The following POC1A variants were observed in gnomAD, a reference collection of about 807,000 sequenced individuals.
POC1A encodes POC1 centriolar protein homolog A.
Under a neutral mutation model 47.8 loss-of-function variants are expected in POC1A, and 34 were observed. That is an observed-to-expected ratio of 0.71 (90% confidence interval 0.54 to 0.95). The LOEUF is 0.95. Among genes scored for constraint, POC1A ranks in the 40% least tolerant of loss-of-function variants. POC1A has a pLI of 0.00. For missense variants in POC1A, 466 were observed against 528.3 expected (o/e 0.88, Z 1.16); for synonymous variants, 177 against 207.6 (o/e 0.85, Z 1.27).
chr3:52,144,164 C>T (rs1388628921), intron 6 of POC1A, among the ~76,000 whole-genome samples: 1 of 152,226 alleles, frequency 6.6e-6, no homozygotes, highest in East Asian at 1.9e-4. Flanking sequence ...ACTGTCCTGC[C>T]TCGTCGCCTT....
intron 7 of POC1A, among the ~76,000 whole-genome samples, chr3:52,128,537 G>A (rs760738814): frequency 6.6e-6 from 1 of 152,166 alleles, no homozygotes; most frequent in Admixed American, 6.5e-5. Flanking sequence ...CTGTTCTTCT[G>A]CCTAGCAGCC....
At chr3:52,143,731 A>C (rs1326134261) in intron 6 of POC1A, among the ~76,000 whole-genome samples, 4 of 152,098 alleles carry the variant, frequency 2.6e-5, no homozygotes, top group Non-Finnish European at 5.9e-5. Flanking sequence ...CCTACCCATC[A>C]CTGGGACACA....
chr3:52,148,708 A>G lies in POC1A; in HGVS notation c.455+502T>C, dbSNP rs141689558. 8.6e-3 allele frequency among the ~76,000 whole-genome samples: 1,309 copies of G among 152,342 alleles called. 20 individuals are homozygous for G. Among genetic ancestry groups the G allele is most frequent in the African/African-American group, 0.029 (1,220 of 41,584 alleles). Reference sequence around the variant, plus strand: ...ATCCCCTGAGAACATCCCAGAGGAAAGTAGGCAAGCCTTACTGTCAGAGAG... The same window carrying G: ...ATCCCCTGAGAACATCCCAGAGGAAGGTAGGCAAGCCTTACTGTCAGAGAG... On this transcript the variant is annotated intron_variant, in intron 4 of 10. Transcript: ENST00000296484.
intron 1 of POC1A, among the ~76,000 whole-genome samples, chr3:52,154,080 G>A (rs1698643167): frequency 6.6e-6 from 1 of 152,254 alleles, no homozygotes; most frequent in South Asian, 2.1e-4. Context: ...CACATGAGTC[G>A]GGACTTGGTC....
Position 52,084,533 on chromosome 3 carries a change from G to A in POC1A, c.1126-8548C>T, listed in dbSNP as rs1298173046. 2.6e-5 allele frequency among the ~76,000 whole-genome samples: 4 copies of A among 152,192 alleles called. No homozygotes were observed. Among genetic ancestry groups the A allele is most frequent in the South Asian group, 2.1e-4 (1 of 4,836 alleles). On this transcript the variant is annotated intron_variant, in intron 10 of 10. Transcript: ENST00000296484. The surrounding 1 kb of genome is among the most constrained non-coding windows in gnomAD (Gnocchi z 4.3). ...GCAGCACCGGTCCTGTCTAGGCTGC[G>A]AGGAAAGCTACTCCACCACCACTGA...
intron 9 of POC1A, among the ~76,000 whole-genome samples, chr3:52,111,791 G>A (rs1287051017): frequency 1.3e-5 from 2 of 152,134 alleles, no homozygotes; most frequent in Admixed American, 1.3e-4. Flanking sequence ...AGTCTAGCAG[G>A]CTGTCTGGAG....
intron 10 of POC1A, among the ~76,000 whole-genome samples, chr3:52,085,136 C>T (rs913973454): frequency 2.0e-5 from 3 of 152,146 alleles, no homozygotes; most frequent in South Asian, 2.1e-4. Flanking sequence ...GCCCCCCTGG[C>T]GGCCACACTG....
intron 10 of POC1A, among the ~76,000 whole-genome samples, chr3:52,094,100 GA>G (rs2106964285): frequency 1.3e-5 from 2 of 152,352 alleles, no homozygotes; most frequent in East Asian, 3.9e-4. Flanking sequence ...GGAGGGAAGG[GA>G]TGGTGGAGGC....
chr3:52,114,723 C>G (rs747616801), intron 9 of POC1A, among the ~76,000 whole-genome samples: 6 of 152,144 alleles, frequency 3.9e-5, no homozygotes, highest in Non-Finnish European at 7.4e-5. Context: ...TGAATTTCCC[C>G]CAGGAGCCAG....
chr3:52,082,287 G>A (rs1322799860), intron 10 of POC1A, among the ~76,000 whole-genome samples: 2 of 152,196 alleles, frequency 1.3e-5, no homozygotes, highest in Non-Finnish European at 2.9e-5. Context: ...CCAGGGTGAT[G>A]TCAGCGATGG....
intron 7 of POC1A, among the ~76,000 whole-genome samples, chr3:52,134,638 T>A (rs144432122): frequency 2.0e-5 from 3 of 152,064 alleles, no homozygotes; most frequent in Non-Finnish European, 4.4e-5. Flanking sequence ...TCTGAATGAA[T>A]GAATGAAAGA....
At chr3:52,098,795 A>G (rs1471480888) in intron 9 of POC1A, among the ~76,000 whole-genome samples, 1 of 152,244 alleles carries the variant, frequency 6.6e-6, no homozygotes, top group Non-Finnish European at 1.5e-5. Context: ...TTTACTTGCC[A>G]TCCACTGTGT....
At chr3:52,135,389 G>A (rs1019311915) in intron 7 of POC1A, among the ~76,000 whole-genome samples, 1 of 152,126 alleles carries the variant, frequency 6.6e-6, no homozygotes, top group Admixed American at 6.5e-5. Flanking sequence ...TTTTTTGGGG[G>A]GTTTTCTGTT....
chr3:52,125,979 G>A (rs536307640), intron 7 of POC1A, among the ~76,000 whole-genome samples: 2 of 152,304 alleles, frequency 1.3e-5, no homozygotes, highest in Admixed American at 1.3e-4. Context: ...TCCCAGAAAG[G>A]TGCTCAGAGT....
In POC1A at chr3:52,138,265, C is replaced by T. The variant is rs372379559; in HGVS notation, c.717G>A (p.Pro239=). ...AGGCTGTGATCAGGTAGTTTCCCGA[C>T]GGGTGGAAAGAGAGCCCGTTCACTG... ...SAAVNGLSFH[P]SGNYLITASS... The change falls in exon 7 of 11, where the codon CCG becomes CCA. Residue 239 remains proline, a synonymous_variant. Coordinates refer to ENST00000296484, the MANE Select transcript of POC1A (RefSeq NM_015426.5). 5.6e-6 allele frequency: 9 copies of T among 1,613,812 alleles called. No homozygotes were observed. Among genetic ancestry groups the T allele is most frequent in the South Asian group, 2.2e-5 (2 of 91,062 alleles).
At chr3:52,135,460 T>A (rs908022164) in intron 7 of POC1A, among the ~76,000 whole-genome samples, 3 of 152,232 alleles carry the variant, frequency 2.0e-5, no homozygotes, top group Admixed American at 6.5e-5. Flanking sequence ...CACAGATCAC[T>A]GCAGCCCCAG....
At chr3:52,136,838 G>GTT (rs1181298662) in intron 7 of POC1A, among the ~76,000 whole-genome samples, 1 of 152,220 alleles carries the variant, frequency 6.6e-6, no homozygotes, top group Non-Finnish European at 1.5e-5. Flanking sequence ...ACATTCAAGT[G>GTT]TTTTCAGGCT....
intron 3 of POC1A, 32 bp from the exon 4 acceptor site, chr3:52,149,421 C>T (rs1223537100): frequency 6.2e-7 from 1 of 1,602,188 alleles, no homozygotes; most frequent in Non-Finnish European, 8.5e-7. Context: ...AGTAAGGAAA[C>T]CCATAACAGT....
rs544277947 is a variant in POC1A, at chr3:52,153,485, A to G, written c.18+870T>C. Among the ~76,000 whole-genome samples the G allele has an allele frequency of 2.0e-5, 3 of 152,336 alleles. No homozygotes were observed. The East Asian group carries it at 5.8e-4, about 29-fold the overall frequency. On this transcript the variant is annotated intron_variant, in intron 1 of 10. Transcript: ENST00000296484. Reference sequence around the variant, plus strand: ...TGTCAGAGTCTCCTTTCAACAACAGAGGGAGGAGCAGCTGGGGGAGGGTCC... The same window carrying G: ...TGTCAGAGTCTCCTTTCAACAACAGGGGGAGGAGCAGCTGGGGGAGGGTCC...
Sources: allele counts gnomAD v4.1 joint callset (sites outside exome capture counted in the v4.1 genomes callset), GRCh38; gene constraint gnomAD v4.1.1; non-coding constraint Gnocchi (gnomAD v3.1); transcripts MANE v1.5; gene names NCBI Gene and HGNC (gene_info 2026-07-23, HGNC 2026-07-21).